Variants in FANCI observed in about 807,000 individuals in gnomAD.
FANCI encodes the protein Fanconi anemia group I protein.
Under a neutral mutation model 176.1 loss-of-function variants are expected in FANCI, and 156 were observed. The observed-to-expected ratio is 0.89, with a 90% CI of 0.78 to 1.01. The LOEUF is 1.01. FANCI is among the 50% of genes least tolerant of loss of function. The pLI, the probability that FANCI is intolerant of heterozygous loss-of-function variation, is 0.00. For synonymous variants in FANCI, 613 were observed against 541.7 expected (o/e 1.13, Z -1.83); for missense variants, 1,678 against 1,534.1 (o/e 1.09, Z -1.57).
chr15:89,259,558 A>T (rs1046144834), intron 3 of FANCI, among the ~76,000 whole-genome samples: 2 of 152,226 alleles, frequency 1.3e-5, no homozygotes, highest in Middle Eastern at 3.2e-3. Context: ...CTTTTAGTAT[A>T]TTCAGAGTTG....
chr15:89,305,996 T>C lies in FANCI; in HGVS notation c.3350-11T>C, dbSNP rs779052518. 2.5e-6 allele frequency: 4 copies of C among 1,614,086 alleles called. No homozygotes were observed. The Admixed American group carries it at 6.7e-5, about 27-fold the overall frequency. ...GTTGGGTTTGAATGTGCCAATTTTA[T>C]TTCCCTTTAGAAGAGGCCTCTTCTC... On this transcript the variant is annotated splice_polypyrimidine_tract_variant and intron_variant, in intron 31 of 37. Transcript: ENST00000310775.
chr15:89,316,299 C>A, intron 37 of FANCI, 98 bp from the exon 38 acceptor site: 1 of 1,237,778 alleles, frequency 8.1e-7, no homozygotes, highest in Non-Finnish European at 1.2e-6. Flanking sequence ...CTAACAAAGG[C>A]TTTGATGAGA....
At chr15:89,284,841 A>C (rs2053754689) in intron 17 of FANCI, among the ~76,000 whole-genome samples, 2 of 152,200 alleles carry the variant, frequency 1.3e-5, no homozygotes, top group South Asian at 4.1e-4. Context: ...CTTCCTAAGC[A>C]ATTGATATTG....
intron 12 of FANCI, among the ~76,000 whole-genome samples, chr15:89,275,967 T>G (rs2108598): frequency 0.022 from 3,332 of 152,336 alleles, 123 homozygotes; most frequent in African/African-American, 0.077. Context: ...CCATTTTATG[T>G]AATTGAATTT....
intron 18 of FANCI, among the ~76,000 whole-genome samples, chr15:89,287,652 C>A (rs1475641344): frequency 6.6e-6 from 1 of 152,166 alleles, no homozygotes; most frequent in Non-Finnish European, 1.5e-5. Context: ...TGGATCATTT[C>A]TAGCTTTTGA....
At chr15:89,292,116 C>T (rs966947491) in intron 20 of FANCI, among the ~76,000 whole-genome samples, 19 of 152,182 alleles carry the variant, frequency 1.2e-4, no homozygotes, top group Non-Finnish European at 2.1e-4. Flanking sequence ...GTTGAACCTT[C>T]AGAGGAGCTA....
At chr15:89,265,081 TAACTG>T (rs1381328611) in intron 9 of FANCI, among the ~76,000 whole-genome samples, 1 of 152,254 alleles carries the variant, frequency 6.6e-6, no homozygotes, top group Non-Finnish European at 1.5e-5. Context: ...TGTGCTATTT[TAACTG>T]AAGCCTGAAT....
At chr15:89,254,357 C>G (rs1344105792) in intron 2 of FANCI, among the ~76,000 whole-genome samples, 2 of 152,098 alleles carry the variant, frequency 1.3e-5, no homozygotes, top group African/African-American at 4.8e-5. Context: ...CAAGATGAAC[C>G]TGGAACATCT....
At chr15:89,304,968 G>A in intron 28 of FANCI, 147 bp from the exon 29 acceptor site, 1 of 809,634 alleles carries the variant, frequency 1.2e-6, no homozygotes, top group Non-Finnish European at 2.1e-6. Context: ...TAGAGACGGG[G>A]TTTCTCCATG....
At position 89,294,954 on chromosome 15, in the gene FANCI, C is replaced by G; in HGVS notation, c.2496C>G (p.Leu832=). 1 of 1,552,330 alleles carries G rather than the reference C, an allele frequency of 6.4e-7. No homozygotes were observed. The part of the protein sequence containing the change: ...IQSHQESLSV[L]RSSNEFMRYA... ...GCCACCAAGAAAGCCTTTCTGTTCTCAGGTCCAGCAATGAGTTTATGCGCT... is the reference window on the plus strand; with the variant it reads ...GCCACCAAGAAAGCCTTTCTGTTCTGAGGTCCAGCAATGAGTTTATGCGCT... Residue 832 remains leucine (L), a synonymous_variant, in exon 24 of 38, where the codon CTC becomes CTG. Transcript: ENST00000310775.
chr15:89,246,568 C>T (rs2051981800), intron 1 of FANCI, among the ~76,000 whole-genome samples: 1 of 152,112 alleles, frequency 6.6e-6, no homozygotes, highest in Non-Finnish European at 1.5e-5. Flanking sequence ...AGAAATTTCT[C>T]ATTTCCCGTA....
At chr15:89,286,026 C>T (rs912810870) in intron 18 of FANCI, among the ~76,000 whole-genome samples, 1 of 152,044 alleles carries the variant, frequency 6.6e-6, no homozygotes, top group Non-Finnish European at 1.5e-5. Context: ...CTCTGTCACC[C>T]AGGCTGGAGT....
At chr15:89,255,912 G>A (rs1286407820) in intron 2 of FANCI, among the ~76,000 whole-genome samples, 1 of 152,196 alleles carries the variant, frequency 6.6e-6, no homozygotes, top group East Asian at 1.9e-4. Context: ...AGTACTTGTC[G>A]TGTGTTAGGC....
chr15:89,262,407 A>G (rs992533964), intron 6 of FANCI, among the ~76,000 whole-genome samples: 5 of 152,204 alleles, frequency 3.3e-5, no homozygotes, highest in Admixed American at 2.0e-4. Flanking sequence ...GTATAAGCAT[A>G]CAGTAATAGA....
At chr15:89,250,253 A>G (rs1375266664) in intron 2 of FANCI, among the ~76,000 whole-genome samples, 1 of 152,170 alleles carries the variant, frequency 6.6e-6, no homozygotes, top group East Asian at 1.9e-4. Flanking sequence ...ACGTATGTTT[A>G]TTGCGGCACT....
At chr15:89,291,489 CT>C in intron 19 of FANCI, 123 bp from the exon 20 acceptor site, 1 of 801,200 alleles carries the variant, frequency 1.2e-6, no homozygotes, top group Non-Finnish European at 2.1e-6. Flanking sequence ...CTGCATTGTT[CT>C]TTGAACAGTT....
Position 89,315,348 on chromosome 15 carries a change from G to A in FANCI, c.3883G>A (p.Asp1295Asn). ...CTTCAAGATCAAAGGAAACATCCTA[G>A]ACATGGTTCTTCGAGAGGATGGTGA... ...RDFKIKGNIL[D>N]MVLREDGEDE... The change falls in exon 37 of 38, where the codon GAC becomes AAC. Residue 1295 changes from aspartate to asparagine, a missense_variant. Transcript: ENST00000310775. The A allele has an allele frequency of 6.2e-7, 1 of 1,613,972 alleles. No homozygotes were observed. Among genetic ancestry groups the A allele is most frequent in the Non-Finnish European group, 8.5e-7 (1 of 1,179,874 alleles).
rs757356276 is a variant in FANCI at position 89,290,301 on chromosome 15, A to T, written c.1890+20A>T. The T allele has an allele frequency of 6.3e-7, 1 of 1,584,352 alleles. No homozygotes were observed. The highest frequency in any genetic ancestry group is 8.7e-7 in the Non-Finnish European group (1 of 1,152,940). The stretch of plus-strand genomic sequence containing the variant: ...TCACAGGTAAAATACATTTTTATGG[A>T]TATATGGAAAACAGACCATCAAGGA... On this transcript the variant is annotated intron_variant, in intron 19 of 37. Transcript: ENST00000310775.
In FANCI at chr15:89,276,841, A is replaced by G. The variant is rs1481740574; in HGVS notation, c.1243A>G (p.Asn415Asp). ...ETSPSLSRMP[N>D]QHACKLGANI... is the part of the protein sequence containing the mutation. ...CAGCCCAAGTCTTTCTAGAATGCCA[A>G]ACCAGCATGCATGTAAGCTCGGAGC... Residue 415 changes from asparagine (N) to aspartate (D), a missense_variant, in exon 13 of 38, where the codon AAC becomes GAC. Transcript: ENST00000310775. 1 of 1,614,196 alleles carries G rather than the reference A, an allele frequency of 6.2e-7. No individual in the cohort carries two copies. Among genetic ancestry groups the G allele is most frequent in the Non-Finnish European group, 8.5e-7 (1 of 1,180,034 alleles).
Sources: allele counts gnomAD v4.1 joint callset (sites outside exome capture counted in the v4.1 genomes callset), GRCh38; gene constraint gnomAD v4.1.1; transcripts MANE v1.5; gene names NCBI Gene and HGNC (gene_info 2026-07-23, HGNC 2026-07-21).